The following TMEM192 variants were observed in gnomAD, a reference collection of about 807,000 sequenced individuals.
TMEM192 encodes the protein transmembrane protein 192.
A neutral mutation model predicts 26.7 loss-of-function variants in TMEM192; 20 were observed. That is an observed-to-expected ratio of 0.75 (90% CI 0.53 to 1.09). The LOEUF (loss-of-function observed/expected upper bound fraction) is 1.09. Among genes scored for constraint, TMEM192 ranks in the 50% least tolerant of loss-of-function variants. TMEM192 has a pLI of 0.00. For missense variants in TMEM192, 304 were observed against 322.6 expected, an observed-to-expected ratio of 0.94 and a Z score of 0.44; for synonymous variants, 124 against 121.0, an observed-to-expected ratio of 1.02 and a Z score of -0.16.
chr4:165,108,734 G>A (rs969326335), intron 1 of TMEM192, among the ~76,000 whole-genome samples: 1 of 152,168 alleles, frequency 6.6e-6, no homozygotes, highest in Non-Finnish European at 1.5e-5. Flanking sequence ...CTGGATGCCT[G>A]GTAGGCGCAG....
At chr4:165,085,273 C>CAA (rs398051329) in intron 5 of TMEM192, among the ~76,000 whole-genome samples, 5 of 83,694 alleles carry the variant, frequency 6.0e-5, no homozygotes, top group African/African-American at 1.8e-4. Flanking sequence ...AACTCCATCT[C>CAA]AAAAAAAAAA....
intron 1 of TMEM192, among the ~76,000 whole-genome samples, chr4:165,110,132 T>G (rs760616840): frequency 2.0e-5 from 3 of 152,180 alleles, no homozygotes; most frequent in Non-Finnish European, 2.9e-5. Context: ...TTCTATTAAC[T>G]CACCATCTGC....
At chr4:165,106,264 TC>T (rs1735156265) in intron 1 of TMEM192, among the ~76,000 whole-genome samples, 1 of 152,188 alleles carries the variant, frequency 6.6e-6, no homozygotes, top group African/African-American at 2.4e-5. Flanking sequence ...ACCTGTTATT[TC>T]CTCTCTATTC....
intron 1 of TMEM192, among the ~76,000 whole-genome samples, chr4:165,107,331 A>T (rs1345295291): frequency 4.6e-5 from 6 of 129,488 alleles, no homozygotes; most frequent in East Asian, 2.1e-4. Context: ...CTTTTTTTTT[A>T]AAACAAAAAC....
chr4:165,101,586 C>T (rs1245527584), intron 2 of TMEM192, among the ~76,000 whole-genome samples: 2 of 151,994 alleles, frequency 1.3e-5, no homozygotes, highest in South Asian at 2.1e-4. Flanking sequence ...CAGGCTGGTA[C>T]AGAGTATGTT....
At chr4:165,103,885 C>G (rs886656418) in intron 1 of TMEM192, among the ~76,000 whole-genome samples, 3 of 152,106 alleles carry the variant, frequency 2.0e-5, no homozygotes, top group Non-Finnish European at 4.4e-5. Context: ...CCATGCTGGT[C>G]TCAAACTCCT....
At chr4:165,091,368 A>G (rs1734759237) in intron 3 of TMEM192, among the ~76,000 whole-genome samples, 1 of 152,176 alleles carries the variant, frequency 6.6e-6, no homozygotes, top group Non-Finnish European at 1.5e-5. Context: ...GGGATCTAAG[A>G]CTAGAGCCCT....
At chr4:165,111,114 CAG>C (rs1193351723) in intron 1 of TMEM192, among the ~76,000 whole-genome samples, 1 of 152,136 alleles carries the variant, frequency 6.6e-6, no homozygotes, top group African/African-American at 2.4e-5. Flanking sequence ...ATTTTTGAGA[CAG>C]AGTCTCGCTC....
chr4:165,103,676 C>T (rs551304068), intron 1 of TMEM192, among the ~76,000 whole-genome samples: 2 of 152,182 alleles, frequency 1.3e-5, no homozygotes, highest in Non-Finnish European at 2.9e-5. Flanking sequence ...CCACCACACC[C>T]GGCTAATTTT....
intron 3 of TMEM192, among the ~76,000 whole-genome samples, chr4:165,093,298 T>C (rs1290829945): frequency 6.6e-6 from 1 of 151,832 alleles, no homozygotes; most frequent in African/African-American, 2.4e-5. Context: ...GGTTTCACCA[T>C]GTTGGCCAGA....
chr4:165,102,587 T>C (rs1402515298), intron 2 of TMEM192, among the ~76,000 whole-genome samples: 1 of 152,168 alleles, frequency 6.6e-6, no homozygotes, highest in Non-Finnish European at 1.5e-5. Context: ...ACTGTATACC[T>C]ATCCACCCCA....
At position 165,079,705 on chromosome 4, in the gene TMEM192, A is replaced by G. The variant is rs745475104; in HGVS notation, c.769T>C (p.Leu257=). ...RHNALLSKRL[L]ALTSSDLGCQ... Reference sequence around the variant, plus strand: ...CCCAGGTCTGAGGAAGTGAGAGCCAACAATCGCTTACTCAGCAGCGCATTG... The same window carrying G: ...CCCAGGTCTGAGGAAGTGAGAGCCAGCAATCGCTTACTCAGCAGCGCATTG... The change falls in exon 6 of 6, where the codon TTG becomes CTG. Residue 257 remains leucine (L), a synonymous_variant. Coordinates refer to ENST00000306480, the MANE Select transcript of TMEM192 (RefSeq NM_001100389.2). The G allele has an allele frequency of 6.2e-7, 1 of 1,613,962 alleles. No homozygotes were observed. Among genetic ancestry groups the G allele is most frequent in the Non-Finnish European group, 8.5e-7 (1 of 1,179,926 alleles).
intron 5 of TMEM192, among the ~76,000 whole-genome samples, chr4:165,085,049 C>T (rs185630543): frequency 0.014 from 2,053 of 151,060 alleles, 38 homozygotes; most frequent in African/African-American, 0.046. Flanking sequence ...CTGAGGCGGG[C>T]GGATCACCTG....
At chr4:165,092,898 T>C (rs1734799342) in intron 3 of TMEM192, among the ~76,000 whole-genome samples, 1 of 147,170 alleles carries the variant, frequency 6.8e-6, no homozygotes, top group South Asian at 2.1e-4. Context: ...CCTTGTCTCT[T>C]AAAAAAAAAA....
intron 1 of TMEM192, among the ~76,000 whole-genome samples, chr4:165,108,904 C>G (rs1030610124): frequency 6.6e-6 from 1 of 151,934 alleles, no homozygotes; most frequent in Middle Eastern, 3.4e-3. Context: ...TGGCTTCCCC[C>G]TTCCCTGTCA....
Position 165,090,101 on chromosome 4 carries a change from C to T in TMEM192, c.440-1499G>A, listed in dbSNP as rs926729722. Among the ~76,000 whole-genome samples, 4 of 149,660 alleles carry T rather than the reference C, an allele frequency of 2.7e-5. No homozygotes were observed. In the Middle Eastern group the frequency reaches 0.014, roughly 520 times the overall value. On this transcript the variant is annotated intron_variant, in intron 3 of 5. Transcript: ENST00000306480. The stretch of plus-strand genomic sequence containing the variant: ...TGGCATATGCCTGTAATCCTAGCTA[C>T]TTGGGAGGCTGAGGCAGGAGAATCA...
chr4:165,090,214 A>G (rs28845278), intron 3 of TMEM192, among the ~76,000 whole-genome samples: 106 of 7,894 alleles, frequency 0.013, no homozygotes, highest in East Asian at 0.053. Context: ...TCCGTCTTGG[A>G]AAAAAAAAAA....
chr4:165,092,614 G>A (rs192584871), intron 3 of TMEM192, among the ~76,000 whole-genome samples: 88 of 152,154 alleles, frequency 5.8e-4, no homozygotes, highest in Non-Finnish European at 1.1e-3. Context: ...GAAGTTTAGG[G>A]GCAGACTCTG....
In TMEM192 at chr4:165,076,025, C is replaced by A. The variant is rs1332711636; in HGVS notation, c.*3633G>T. On this transcript the variant is annotated 3_prime_UTR_variant, in exon 6 of 6. Transcript: ENST00000306480. ...ACTCCAGCCTGGGAGACAGATGAGA[C>A]TAAAAAAAAAAACAAAACAAAAAAA... 1.3e-5 allele frequency: 2 copies of A among 148,506 alleles called. No individual in the cohort carries two copies. The highest frequency in any genetic ancestry group is 3.0e-5 in the Non-Finnish European group (2 of 67,434). 9.2% of individuals were successfully genotyped at this position (148,506 alleles called of 1,614,324 possible).
Sources: gnomAD v4.1 joint callset for allele counts (sites outside exome capture counted in the v4.1 genomes callset) on GRCh38, gnomAD v4.1.1 for gene constraint, MANE v1.5 for transcripts, NCBI Gene and HGNC (gene_info 2026-07-23, HGNC 2026-07-21) for gene names.